Variants in PNLIP observed in about 807,000 individuals in gnomAD.
PNLIP encodes the protein pancreatic lipase, also known as pancreatic triacylglycerol lipase.
Under a neutral mutation model 57.1 loss-of-function variants are expected in PNLIP, and 49 were observed. The observed-to-expected ratio is 0.86, with a 90% CI of 0.68 to 1.09. The LOEUF is 1.09. PNLIP is among the 50% of genes least tolerant of loss of function. The probability of loss-of-function intolerance (pLI) is 0.00; values close to 1 mark genes in which losing one functional copy is unlikely to be tolerated. For missense variants in PNLIP, 503 were observed against 570.2 expected (o/e 0.88, Z 1.20); for synonymous variants, 209 against 200.4 (o/e 1.04, Z -0.36).
At chr10:116,561,928 T>A (rs1463935029) in intron 12 of PNLIP, among the ~76,000 whole-genome samples, 1 of 152,232 alleles carries the variant, frequency 6.6e-6, no homozygotes, top group Non-Finnish European at 1.5e-5. Context: ...CTGTGCTTCG[T>A]GCTATGTGAG....
chr10:116,567,653 G>C, intron 12 of PNLIP, 82 bp from the exon 13 acceptor site: 1 of 1,129,168 alleles, frequency 8.9e-7, no homozygotes, highest in Non-Finnish European at 1.3e-6. Flanking sequence ...CTAGGAGGTT[G>C]GGGGCATAGA....
chr10:116,555,604 C>T, intron 8 of PNLIP, 97 bp downstream of exon 8: 1 of 1,314,460 alleles, frequency 7.6e-7, no homozygotes, highest in Non-Finnish European at 1.1e-6. Flanking sequence ...ACAGGTCTCA[C>T]ATTTTACATA....
At chr10:116,558,018 G>T (rs1589557625) in intron 9 of PNLIP, among the ~76,000 whole-genome samples, 1 of 151,512 alleles carries the variant, frequency 6.6e-6, no homozygotes, top group Admixed American at 6.6e-5. Context: ...ACTTTGGGAG[G>T]CCGAGGCAGG....
chr10:116,564,396 T>C (rs533349398), intron 12 of PNLIP, among the ~76,000 whole-genome samples: 1 of 152,140 alleles, frequency 6.6e-6, no homozygotes, highest in African/African-American at 2.4e-5. Context: ...TCTTAGAGTA[T>C]GGAAAGGAAA....
intron 2 of PNLIP, 124 bp downstream of exon 2, chr10:116,546,262 G>C: frequency 1.2e-6 from 1 of 807,458 alleles, no homozygotes; most frequent in Non-Finnish European, 2.1e-6. Context: ...GTAAAGCACA[G>C]GAGACGCATA....
At chr10:116,558,532 G>GTAGATGAA (rs1564726635) in intron 9 of PNLIP, among the ~76,000 whole-genome samples, 1 of 151,652 alleles carries the variant, frequency 6.6e-6, no homozygotes. Context: ...CTAGCTGTAA[G>GTAGATGAA]TAGATGAATG....
At chr10:116,557,107 T>A (rs1041441315) in intron 9 of PNLIP, among the ~76,000 whole-genome samples, 1 of 152,184 alleles carries the variant, frequency 6.6e-6, no homozygotes, top group Non-Finnish European at 1.5e-5. Context: ...CATATATTAT[T>A]CACACTACAG....
At chr10:116,559,037 A>G in intron 9 of PNLIP, 117 bp from the exon 10 acceptor site, 1 of 1,272,978 alleles carries the variant, frequency 7.9e-7, no homozygotes, top group South Asian at 1.6e-5. Flanking sequence ...TAAAGTCCCC[A>G]TTTATCATCA....
At chr10:116,559,766 A>G (rs1410907700) in intron 10 of PNLIP, among the ~76,000 whole-genome samples, 1 of 152,204 alleles carries the variant, frequency 6.6e-6, no homozygotes, top group Admixed American at 6.5e-5. Flanking sequence ...TCTTTTCCAA[A>G]TAACAGAGGA....
At chr10:116,564,538 A>G (rs185039145) in intron 12 of PNLIP, among the ~76,000 whole-genome samples, 1 of 152,340 alleles carries the variant, frequency 6.6e-6, no homozygotes, top group Admixed American at 6.5e-5. Context: ...GCCTTCAGGC[A>G]GAGGAAAATG....
chr10:116,557,057 T>A (rs2133204281), intron 9 of PNLIP, among the ~76,000 whole-genome samples: 1 of 152,334 alleles, frequency 6.6e-6, no homozygotes, highest in East Asian at 1.9e-4. Flanking sequence ...AAAAATATAA[T>A]AGCATTCAAT....
chr10:116,565,708 C>T (rs1049447407), intron 12 of PNLIP, among the ~76,000 whole-genome samples: 13 of 152,078 alleles, frequency 8.5e-5, no homozygotes, highest in Non-Finnish European at 1.2e-4. Context: ...TCACCCACCT[C>T]GACCTTCCAA....
intron 5 of PNLIP, among the ~76,000 whole-genome samples, chr10:116,552,207 C>T (rs553743790): frequency 3.3e-5 from 5 of 152,288 alleles, no homozygotes; most frequent in Non-Finnish European, 4.4e-5. Flanking sequence ...ATATTTACTA[C>T]ACTTTTTATC....
intron 5 of PNLIP, among the ~76,000 whole-genome samples, chr10:116,552,214 T>C (rs1847201353): frequency 6.6e-6 from 1 of 152,228 alleles, no homozygotes; most frequent in Non-Finnish European, 1.5e-5. Flanking sequence ...CTACACTTTT[T>C]ATCATTATTT....
At position 116,551,145 on chromosome 10, in the gene PNLIP, A is replaced by G. The variant is rs1847186126; in HGVS notation, c.372A>G (p.Lys124=). ...TGAACTGTATCTGTGTGGACTGGAA[A>G]GGTGGCTCCCGAACTGGATACACAC... ...ESVNCICVDW[K]GGSRTGYTQA... The change falls in exon 5 of 13, where the codon AAA becomes AAG. Residue 124 remains lysine, a synonymous_variant. Transcript: ENST00000369221. 1 of 1,612,696 alleles carries G rather than the reference A, an allele frequency of 6.2e-7. No individual in the cohort carries two copies. Among genetic ancestry groups the G allele is most frequent in the South Asian group, 1.1e-5 (1 of 90,832 alleles).
rs578159581 is a variant in PNLIP, at chr10:116,548,324, A to T, written c.202-36A>T. The T allele has an allele frequency of 7.7e-5, 124 of 1,609,688 alleles. 3 individuals are homozygous for T. The South Asian group carries it at 1.2e-3, about 15-fold the overall frequency. On this transcript the variant is annotated intron_variant, in intron 3 of 12. Coordinates refer to ENST00000369221, the MANE Select transcript of PNLIP (RefSeq NM_000936.4). ...TACAAATGGTTCTATTGGCTACTAT[A>T]GGAAACTGACATGAAACACTTTTCT...
rs1185015334 is a variant in PNLIP at position 116,559,280 on chromosome 10, G to A, written c.1057G>A (p.Ala353Thr). Residue 353 changes from alanine to threonine, a missense_variant, in exon 10 of 13, where the codon GCA becomes ACA. Ala to Thr is a moderately conservative substitution (Grantham distance 58, BLOSUM62 0). Transcript: ENST00000369221. The part of the protein sequence containing the change: ...YLDTGDASNF[A>T]RWRYKVSVTL... ...AGACACTGGTGATGCCAGTAATTTT[G>A]CACGTAAGTTTCTGTTTTCTGTATC... 1 of 1,609,978 alleles carries A rather than the reference G, an allele frequency of 6.2e-7. No homozygotes were observed. The highest frequency in any genetic ancestry group is 2.2e-5 in the East Asian group (1 of 44,838).
rs1375824089 is a variant in PNLIP at position 116,555,218 on chromosome 10, A to G, written c.612A>G (p.Glu204=). Residue 204 remains glutamate, a synonymous_variant, in exon 7 of 13, where the codon GAA becomes GAG. Coordinates refer to ENST00000369221, the MANE Select transcript of PNLIP (RefSeq NM_000936.4). ...AACCTTGCTTTCAGGGCACACCTGA[A>G]TTAGTCCGATTGGACCCCAGCGATG... The part of the protein sequence containing the change: ...PAEPCFQGTP[E]LVRLDPSDAK... 6.2e-7 allele frequency: 1 copy of G among 1,614,212 alleles called. No homozygotes were observed. The highest frequency in any genetic ancestry group is 1.1e-5 in the South Asian group (1 of 91,086).
At position 116,561,581 on chromosome 10, in the gene PNLIP, A is replaced by C; in HGVS notation, c.1279A>C (p.Thr427Pro). The C allele has an allele frequency of 6.2e-7, 1 of 1,613,676 alleles. No homozygotes were observed. Among genetic ancestry groups the C allele is most frequent in the South Asian group, 1.1e-5 (1 of 90,958 alleles). The change falls in exon 12 of 13, where the codon ACT (threonine) becomes CCT (proline). Residue 427 changes from threonine to proline, a missense_variant. Transcript: ENST00000369221. ...TTGGTATAACAATGTGATCAACCCA[A>C]CTTTACCTAGAGTGGGAGCATCCAA... is the stretch of plus-strand genomic sequence containing the variant. ...FIWYNNVINP[T>P]LPRVGASKII...
Sources: allele counts gnomAD v4.1 joint callset (sites outside exome capture counted in the v4.1 genomes callset), GRCh38; gene constraint gnomAD v4.1.1; transcripts MANE v1.5; gene names NCBI Gene and HGNC (gene_info 2026-07-23, HGNC 2026-07-21).